Variants in FHOD3 observed in about 807,000 individuals in gnomAD.
The protein encoded by FHOD3 is formin homology 2 domain containing 3.
A neutral mutation model predicts 173.0 loss-of-function variants in FHOD3; 90 were observed. The observed-to-expected ratio is 0.52, with a 90% CI of 0.44 to 0.62. FHOD3 has a LOEUF of 0.62. FHOD3 is among the 20% of genes least tolerant of loss of function. The pLI is 0.00. For synonymous variants in FHOD3, 828 were observed against 823.0 expected (o/e 1.01, Z -0.10); for missense variants, 1,945 against 2,034.7 (o/e 0.96, Z 0.85).
intron 9 of FHOD3, among the ~76,000 whole-genome samples, chr18:36,623,816 C>T (rs1380328734): frequency 6.6e-6 from 1 of 152,200 alleles, no homozygotes; most frequent in Non-Finnish European, 1.5e-5. Context: ...AGGGTGGATA[C>T]ACTCCTGGTA....
At chr18:36,489,333 G>T (rs912080597) in intron 3 of FHOD3, among the ~76,000 whole-genome samples, 1 of 152,154 alleles carries the variant, frequency 6.6e-6, no homozygotes, top group Non-Finnish European at 1.5e-5. Context: ...CAGCCATTGT[G>T]CCATGGCCAT....
chr18:36,717,728 C>T, intron 18 of FHOD3, 104 bp from the exon 19 acceptor site: 1 of 1,479,832 alleles, frequency 6.8e-7, no homozygotes, highest in Non-Finnish European at 9.0e-7. Flanking sequence ...AGTGTCTTCT[C>T]TGAAGTCACT....
intron 3 of FHOD3, among the ~76,000 whole-genome samples, chr18:36,457,586 T>C (rs896465996): frequency 1.3e-5 from 2 of 151,396 alleles, no homozygotes; most frequent in South Asian, 2.1e-4. Context: ...TTTGCTTTTA[T>C]TGGCAGAGCT....
intron 11 of FHOD3, among the ~76,000 whole-genome samples, chr18:36,651,940 A>G (rs2036082902): frequency 6.6e-6 from 1 of 152,182 alleles, no homozygotes; most frequent in Non-Finnish European, 1.5e-5. Flanking sequence ...TGAATGTCAC[A>G]GGTGTAGTGG....
At chr18:36,508,004 A>C (rs1488120182) in intron 4 of FHOD3, among the ~76,000 whole-genome samples, 1 of 152,212 alleles carries the variant, frequency 6.6e-6, no homozygotes. Flanking sequence ...AAAACACTGT[A>C]ATTTGTGCAG....
intron 3 of FHOD3, among the ~76,000 whole-genome samples, chr18:36,389,059 C>T (rs962574006): frequency 1.3e-5 from 2 of 152,060 alleles, no homozygotes; most frequent in Non-Finnish European, 2.9e-5. Flanking sequence ...CGTTCCTGCA[C>T]GACGGGTTCG....
chr18:36,480,730 T>C (rs1479458318), intron 3 of FHOD3, among the ~76,000 whole-genome samples: 1 of 152,238 alleles, frequency 6.6e-6, no homozygotes, highest in East Asian at 1.9e-4. Context: ...TGTAGCAGCC[T>C]GGTGCAGTAG....
chr18:36,326,617 A>T (rs1324633999), intron 1 of FHOD3, among the ~76,000 whole-genome samples: 1 of 147,788 alleles, frequency 6.8e-6, no homozygotes, highest in East Asian at 1.9e-4. Context: ...AAACATAATT[A>T]AAAAAAAATT....
intron 19 of FHOD3, among the ~76,000 whole-genome samples, chr18:36,721,660 A>T (rs28479494): frequency 0.015 from 2,359 of 152,298 alleles, 49 homozygotes; most frequent in African/African-American, 0.054. Context: ...AAAGCAAAAA[A>T]ACAACAAACC....
At chr18:36,466,422 A>G (rs2052943296) in intron 3 of FHOD3, among the ~76,000 whole-genome samples, 1 of 152,178 alleles carries the variant, frequency 6.6e-6, no homozygotes, top group East Asian at 1.9e-4. Flanking sequence ...CATGGCTTGA[A>G]GGTCAGGGCT....
Position 36,681,476 on chromosome 18 carries a change from C to T in FHOD3, c.1876C>T (p.His626Tyr), listed in dbSNP as rs2038232757. 2 of 1,613,736 alleles carry T rather than the reference C, an allele frequency of 1.2e-6. No individual in the cohort carries two copies. Residue 626 changes from histidine to tyrosine, a missense_variant, in exon 15 of 29, where the codon CAC (histidine) becomes TAC (tyrosine). His to Tyr is a moderately conservative substitution (Grantham distance 83). This residue lies in a region of FHOD3 where 1,099 missense variants were observed against 1,051.2 expected (regional missense o/e 1.05). Transcript: ENST00000590592. ...TCTTCTCACATCATCCTTCAGGCAG[C>T]ACCAAGAGTCACTGGCAGCAGAGAG... ...SGLLTSSFRQ[H>Y]QESLAAERER...
chr18:36,442,094 T>C (rs964899690), intron 3 of FHOD3, among the ~76,000 whole-genome samples: 2 of 152,308 alleles, frequency 1.3e-5, no homozygotes, highest in South Asian at 4.1e-4. Context: ...ACTGGAATAC[T>C]TAGGAACTTC....
At chr18:36,417,230 C>T (rs936447043) in intron 3 of FHOD3, among the ~76,000 whole-genome samples, 1 of 152,136 alleles carries the variant, frequency 6.6e-6, no homozygotes, top group Admixed American at 6.5e-5. Context: ...ATCATCCATC[C>T]TCTGATAGGC....
At chr18:36,335,440 A>G (rs1315293942) in intron 1 of FHOD3, among the ~76,000 whole-genome samples, 1 of 150,846 alleles carries the variant, frequency 6.6e-6, no homozygotes, top group Non-Finnish European at 1.5e-5. Flanking sequence ...GCTTGCAGTG[A>G]GCCGAGATCG....
At chr18:36,344,108 C>T (rs1234256684) in intron 1 of FHOD3, among the ~76,000 whole-genome samples, 2 of 152,074 alleles carry the variant, frequency 1.3e-5, no homozygotes, top group African/African-American at 4.8e-5. Flanking sequence ...AAGCTGTTAC[C>T]CCCAAAGTGG....
chr18:36,343,148 C>T (rs2045709424), intron 1 of FHOD3, among the ~76,000 whole-genome samples: 1 of 152,140 alleles, frequency 6.6e-6, no homozygotes, highest in Non-Finnish European at 1.5e-5. Flanking sequence ...AATTCTACTC[C>T]TAGGTATATA....
At chr18:36,732,326 G>A (rs9959105) in intron 20 of FHOD3, among the ~76,000 whole-genome samples, 58,935 of 151,564 alleles carry the variant, frequency 0.39, 11,964 homozygotes, top group African/African-American at 0.52. Context: ...CCAGTTTGTG[G>A]CGTTTTATTA....
chr18:36,745,626 T>A (rs1013719027), intron 23 of FHOD3, among the ~76,000 whole-genome samples: 2 of 152,118 alleles, frequency 1.3e-5, no homozygotes, highest in Non-Finnish European at 2.9e-5. Flanking sequence ...CAGAAGGCCC[T>A]GCTCGTTGCC....
chr18:36,686,221 A>T (rs111603004), intron 15 of FHOD3, among the ~76,000 whole-genome samples: 2,267 of 152,246 alleles, frequency 0.015, 28 homozygotes, highest in Middle Eastern at 0.024. Context: ...ATCAATTGAT[A>T]GACTGGATAA....
Sources: gnomAD v4.1 joint callset for allele counts (sites outside exome capture counted in the v4.1 genomes callset) on GRCh38, gnomAD v4.1.1 for gene constraint, gnomAD v4.1.1 regional missense constraint, MANE v1.5 for transcripts, NCBI Gene and HGNC (gene_info 2026-07-23, HGNC 2026-07-21) for gene names.